The following CD83 variants were observed in gnomAD, a reference collection of about 807,000 sequenced individuals.
CD83 encodes the protein CD83 antigen.
Under a neutral mutation model 24.6 loss-of-function variants are expected in CD83, and 22 were observed. The observed-to-expected ratio is 0.90, with a 90% confidence interval of 0.64 to 1.28. The LOEUF is 1.28. Ranked by LOEUF, CD83 falls within the 50% of genes most tolerant of loss-of-function variation. The pLI is 0.00. For synonymous variants in CD83, 101 were observed against 103.5 expected (o/e 0.98, Z 0.14); for missense variants, 253 against 252.8 (o/e 1.00, Z -0.01).
At chr6:14,135,020 C>A in intron 4 of CD83, 88 bp from the exon 5 acceptor site, 1 of 1,364,246 alleles carries the variant, frequency 7.3e-7, no homozygotes, top group Non-Finnish European at 1.0e-6. Context: ...GTTGTCTAGC[C>A]AGCTCTTAGT....
chr6:14,131,660 C>T lies in CD83; in HGVS notation c.294C>T (p.Thr98=), dbSNP rs757180652. 1.9e-6 allele frequency: 3 copies of T among 1,614,128 alleles called. No homozygotes were observed. The highest frequency in any genetic ancestry group is 1.1e-5 in the South Asian group (1 of 91,082). ...RPYSLKIRNT[T]SCNSGTYRCT... ...ATTCCCTGAAGATCCGAAACACTAC[C>T]AGCTGCAACTCGGGGACATACAGGT... is the stretch of plus-strand genomic sequence containing the variant. The change falls in exon 3 of 5, where the codon ACC becomes ACT. Residue 98 remains threonine (T), a synonymous_variant. Coordinates refer to ENST00000379153, the MANE Select transcript of CD83 (RefSeq NM_004233.4).
chr6:14,133,077 G>A (rs930138432), intron 3 of CD83, among the ~76,000 whole-genome samples: 36 of 152,366 alleles, frequency 2.4e-4, no homozygotes, highest in African/African-American at 7.0e-4. Context: ...CACCCTTGCC[G>A]AAAGAGCTTG....
chr6:14,135,608 T>C lies in CD83; in HGVS notation c.*372T>C. 5.6e-6 allele frequency: 1 copy of C among 179,916 alleles called. No individual in the cohort carries two copies. The highest frequency in any genetic ancestry group is 1.2e-5 in the Non-Finnish European group (1 of 85,526). 11.1% of individuals were successfully genotyped at this position (179,916 alleles called of 1,614,324 possible). A position where few individuals can be genotyped will look rare whatever the true frequency, so the allele number is the denominator to read the frequency against. On this transcript the variant is annotated 3_prime_UTR_variant, in exon 5 of 5. Coordinates refer to ENST00000379153, the MANE Select transcript of CD83 (RefSeq NM_004233.4). ...CCCGTGACAGACTCCTGAGGACAGC[T>C]GTCCTCTTCTGCATCTTGGGGACAT...
intron 2 of CD83, among the ~76,000 whole-genome samples, chr6:14,121,268 C>T (rs910034328): frequency 7.2e-5 from 11 of 151,970 alleles, no homozygotes; most frequent in Non-Finnish European, 1.0e-4. Context: ...TTCCTGGGCT[C>T]GAGTAATCCT....
chr6:14,129,833 C>CTGTGTGTG lies in CD83; in HGVS notation c.154-1663_154-1656dup, dbSNP rs58361945. ...GAATTAATAAATGAAGCAGAAATGA[C>CTGTGTGTG]TGTGTGTGTGTGTGTGTGTGTGTGT... On this transcript the variant is annotated intron_variant, in intron 2 of 4. Coordinates refer to ENST00000379153, the MANE Select transcript of CD83 (RefSeq NM_004233.4). The surrounding 1 kb of genome is among the most constrained non-coding windows in gnomAD (Gnocchi z 4.3). Among the ~76,000 whole-genome samples, 3,116 of 147,770 alleles carry CTGTGTGTG rather than the reference C, an allele frequency of 0.021. 101 individuals are homozygous for CTGTGTGTG. Among genetic ancestry groups the CTGTGTGTG allele is most frequent in the African/African-American group, 0.07 (2,814 of 40,364 alleles).
chr6:14,122,301 G>A (rs1199510443), intron 2 of CD83, among the ~76,000 whole-genome samples: 1 of 152,210 alleles, frequency 6.6e-6, no homozygotes, highest in African/African-American at 2.4e-5. Context: ...GTTCAAGGCT[G>A]TCTTCCGTGT....
At chr6:14,120,325 T>G (rs952817972) in intron 2 of CD83, among the ~76,000 whole-genome samples, 1 of 152,228 alleles carries the variant, frequency 6.6e-6, no homozygotes, top group Non-Finnish European at 1.5e-5. Flanking sequence ...TTGATTATGC[T>G]TATACAACAA....
In CD83 at chr6:14,136,684, TG is replaced by T. The variant is rs1213710028; in HGVS notation, c.*1449del. On this transcript the variant is annotated 3_prime_UTR_variant, in exon 5 of 5. Coordinates refer to ENST00000379153, the MANE Select transcript of CD83 (RefSeq NM_004233.4). The stretch of plus-strand genomic sequence containing the variant: ...TAAACGTATGCATGTGAAGAAAGGG[TG>T]TTTTTCTGTTTTATATTCAACTCAT... The T allele has an allele frequency of 6.6e-6, 1 of 152,158 alleles. No individual in the cohort carries two copies. Among genetic ancestry groups the T allele is most frequent in the African/African-American group, 2.4e-5 (1 of 41,424 alleles). 9.4% of individuals were successfully genotyped at this position (152,158 alleles called of 1,614,324 possible).
chr6:14,130,943 T>C (rs1757880563), intron 2 of CD83, among the ~76,000 whole-genome samples: 1 of 152,272 alleles, frequency 6.6e-6, no homozygotes, highest in Non-Finnish European at 1.5e-5. Flanking sequence ...AGAAAAGGTG[T>C]GGCACATTCG....
intron 2 of CD83, among the ~76,000 whole-genome samples, chr6:14,123,222 T>C (rs554592098): frequency 6.6e-6 from 1 of 151,990 alleles, no homozygotes; most frequent in African/African-American, 2.4e-5. Context: ...CTTAGCCTCC[T>C]GAGTAGCTGG....
rs952450119 is a variant in CD83, at chr6:14,136,430, C to G, written c.*1194C>G. 6.6e-6 allele frequency: 1 copy of G among 152,208 alleles called. No homozygotes were observed. Among genetic ancestry groups the G allele is most frequent in the Non-Finnish European group, 1.5e-5 (1 of 68,042 alleles). The allele number at this position is 152,208 out of a possible 1,614,324, so 9.4% of individuals were successfully genotyped here. On this transcript the variant is annotated 3_prime_UTR_variant, in exon 5 of 5. Coordinates refer to ENST00000379153, the MANE Select transcript of CD83 (RefSeq NM_004233.4). ...TCTTGAAGCAGTAGCCTAACACACT[C>G]CAAGATATGGACACACGGGAGCCGC... is the stretch of plus-strand genomic sequence containing the variant.
intron 2 of CD83, among the ~76,000 whole-genome samples, chr6:14,124,211 A>G (rs542696130): frequency 6.6e-6 from 1 of 152,176 alleles, no homozygotes; most frequent in South Asian, 2.1e-4. Context: ...GCTTGTTAAT[A>G]TCACTTGATG....
intron 3 of CD83, among the ~76,000 whole-genome samples, chr6:14,132,233 T>C (rs1757927529): frequency 6.6e-6 from 1 of 152,176 alleles, no homozygotes; most frequent in African/African-American, 2.4e-5. Flanking sequence ...TATGTATGGA[T>C]TGATTTACTG....
intron 2 of CD83, among the ~76,000 whole-genome samples, chr6:14,123,288 AG>A (rs1759713181): frequency 6.6e-6 from 1 of 151,932 alleles, no homozygotes; most frequent in Non-Finnish European, 1.5e-5. Flanking sequence ...TAGTAGAGAC[AG>A]GGTTTCACCA....
rs146732511 is a variant in CD83 at position 14,129,203 on chromosome 6, C to T, written c.154-2317C>T. ...GAAAAAGAAAAGCAAGATTGGACAT[C>T]GGAATGGGGACTGCAGGGACTGGGC... On this transcript the variant is annotated intron_variant, in intron 2 of 4. Coordinates refer to ENST00000379153, the MANE Select transcript of CD83 (RefSeq NM_004233.4). This position sits in a 1 kb window ranked among gnomAD's most constrained non-coding sequence, Gnocchi z 4.3. Among the ~76,000 whole-genome samples the T allele has an allele frequency of 5.3e-5, 8 of 152,304 alleles. No individual in the cohort carries two copies. Among genetic ancestry groups the T allele is most frequent in the East Asian group, 1.9e-4 (1 of 5,180 alleles).
Position 14,126,081 on chromosome 6 carries a change from T to TC in CD83, c.154-5438dup, listed in dbSNP as rs78163035. Among the ~76,000 whole-genome samples, 1,034 of 152,312 alleles carry TC rather than the reference T, an allele frequency of 6.8e-3. 33 individuals carry two copies. In the East Asian group the frequency reaches 0.099, roughly 15 times the overall value. On this transcript the variant is annotated intron_variant, in intron 2 of 4. Coordinates refer to ENST00000379153, the MANE Select transcript of CD83 (RefSeq NM_004233.4). The stretch of plus-strand genomic sequence containing the variant: ...GGAGCTCCAGATCACGAAATGGGGC[T>TC]CAGAGGTGAAGTGACATATGGAAGA...
intron 4 of CD83, among the ~76,000 whole-genome samples, 169 bp from the exon 5 acceptor site, chr6:14,134,939 G>A (rs899896237): frequency 1.3e-5 from 2 of 152,178 alleles, no homozygotes; most frequent in Admixed American, 6.5e-5. Flanking sequence ...GTTTAGAGAC[G>A]CCAGTGAAAT....
intron 2 of CD83, among the ~76,000 whole-genome samples, chr6:14,125,234 T>A (rs945895731): frequency 1.3e-5 from 2 of 152,228 alleles, no homozygotes; most frequent in African/African-American, 4.8e-5. Flanking sequence ...GGCAAATGAA[T>A]ATAGCTAGGC....
chr6:14,131,697 G>C lies in CD83; in HGVS notation c.331G>C (p.Asp111His). 6.2e-7 allele frequency: 1 copy of C among 1,614,184 alleles called. No homozygotes were observed. Among genetic ancestry groups the C allele is most frequent in the Non-Finnish European group, 8.5e-7 (1 of 1,180,020 alleles). The change falls in exon 3 of 5, where the codon GAC becomes CAC. Residue 111 changes from aspartate (D) to histidine (H), a missense_variant. Transcript: ENST00000379153. ...GGGGACATACAGGTGCACTCTGCAGGACCCGGATGGGCAGAGAAACCTAAG... is the reference window on the plus strand; with the variant it reads ...GGGGACATACAGGTGCACTCTGCAGCACCCGGATGGGCAGAGAAACCTAAG... Reference protein sequence around the residue: ...NSGTYRCTLQDPDGQRNLSGK... With the variant: ...NSGTYRCTLQHPDGQRNLSGK...
Sources: allele counts gnomAD v4.1 joint callset (sites outside exome capture counted in the v4.1 genomes callset), GRCh38; gene constraint gnomAD v4.1.1; non-coding constraint Gnocchi (gnomAD v3.1); transcripts MANE v1.5; gene names NCBI Gene and HGNC (gene_info 2026-07-23, HGNC 2026-07-21).